The following CPSF1 variants were observed in gnomAD, a reference collection of about 807,000 sequenced individuals.
CPSF1 encodes cleavage and polyadenylation specificity factor subunit 1.
CPSF1 carries 106 observed loss-of-function variants against 175.8 expected under a neutral mutation model. The observed-to-expected ratio is 0.60, with a 90% CI of 0.52 to 0.71. The LOEUF (loss-of-function observed/expected upper bound fraction) is 0.71, where lower values mean the gene tolerates loss of function less well. Among genes scored for constraint, CPSF1 ranks in the 30% least tolerant of loss-of-function variants. CPSF1 has a pLI of 0.00. For synonymous variants in CPSF1, 1,024 were observed against 858.3 expected (o/e 1.19, Z -3.37); for missense variants, 1,734 against 2,022.9 (o/e 0.86, Z 2.74).
intron 9 of CPSF1, 31 bp downstream of exon 9, chr8:144,400,135 G>GGGGGGGGCCCCCCCC: frequency 1.1e-6 from 1 of 896,012 alleles, no homozygotes; most frequent in Non-Finnish European, 1.6e-6. Context: ...CCGTCCCCGG[G>GGGGGGGGCCCCCCCC]CCCCCCCCGC....
chr8:144,394,162 T>C lies in CPSF1; in HGVS notation c.3812-2A>G. ...TGAGGTTGCGGTCGCGGTCAGACAC[T>C]GGGGAGCAGAGGCCCAGGGTCAGCC... On this transcript the variant is annotated splice_acceptor_variant, in intron 33 of 37. Transcript: ENST00000616140. LOFTEE classifies it high-confidence loss of function. 1 of 1,612,700 alleles carries C rather than the reference T, an allele frequency of 6.2e-7. No individual in the cohort carries two copies. Among genetic ancestry groups the C allele is most frequent in the Non-Finnish European group, 8.5e-7 (1 of 1,179,914 alleles).
chr8:144,399,383 G>C lies in CPSF1; in HGVS notation c.1295-10C>G, dbSNP rs2116862079. The C allele has an allele frequency of 4.3e-6, 7 of 1,612,856 alleles. No individual in the cohort carries two copies. Among genetic ancestry groups the C allele is most frequent in the East Asian group, 2.2e-5 (1 of 44,882 alleles). On this transcript the variant is annotated splice_polypyrimidine_tract_variant and intron_variant, in intron 13 of 37. Coordinates refer to ENST00000616140, the MANE Select transcript of CPSF1 (RefSeq NM_013291.3). This position sits in a 1 kb window ranked among gnomAD's most constrained non-coding sequence, Gnocchi z 6.4. ...ACCGACTTACCCGCAGCTGCACACAGAGAGCCCACTTGAGCGCAGCCCTGG... is the reference window on the plus strand; with the variant it reads ...ACCGACTTACCCGCAGCTGCACACACAGAGCCCACTTGAGCGCAGCCCTGG...
chr8:144,393,361 A>G lies in CPSF1; in HGVS notation c.4289T>C (p.Leu1430Pro). 8.3e-7 allele frequency: 1 copy of G among 1,202,068 alleles called. No individual in the cohort carries two copies. Among genetic ancestry groups the G allele is most frequent in the East Asian group, 4.3e-5 (1 of 23,236 alleles). 74.5% of individuals were successfully genotyped at this position (1,202,068 alleles called of 1,614,324 possible). Residue 1430 changes from leucine (L) to proline (P), a missense_variant, in exon 38 of 38, where the codon CTG becomes CCG. By Grantham distance (98) the Leu-to-Pro change is moderately conservative (BLOSUM62 -3). Coordinates refer to ENST00000616140, the MANE Select transcript of CPSF1 (RefSeq NM_013291.3). ...KKIGTTPDII[L>P]DDLLETDRVT... ...GCGGTCCGTCTCCAGCAAGTCGTCC[A>G]GGATCTGCAGGGGATGGAAGGGTGG...
chr8:144,400,192 G>T lies in CPSF1; in HGVS notation c.911C>A (p.Thr304Asn). The change falls in exon 9 of 38, where the codon ACC (threonine) becomes AAC (asparagine). Residue 304 changes from threonine (T) to asparagine (N), a missense_variant. Physicochemically the swap from Thr to Asn is moderately conservative, Grantham distance 65 (BLOSUM62 0). Transcript: ENST00000616140. ...AAGCGGGAAAGCCGTGGTTCCTGTG[G>T]TGAGGCTGTTGAGAGCCACGCCATA... The part of the protein sequence containing the change: ...PPYGVALNSL[T>N]TGTTAFPLRT... 6.3e-7 allele frequency: 1 copy of T among 1,575,730 alleles called. No homozygotes were observed. The highest frequency in any genetic ancestry group is 8.6e-7 in the Non-Finnish European group (1 of 1,164,070).
chr8:144,400,346 A>G lies in CPSF1; in HGVS notation c.826+8T>C. The G allele has an allele frequency of 6.2e-7, 1 of 1,613,832 alleles. No homozygotes were observed. Among genetic ancestry groups the G allele is most frequent in the Admixed American group, 1.7e-5 (1 of 60,004 alleles). ...ACACACTCCCCTATCCACTCCCAGG[A>G]CACACACCTATGGGCTTGGGCACAG... On this transcript the variant is annotated splice_region_variant and intron_variant, in intron 8 of 37. Transcript: ENST00000616140.
chr8:144,393,610 G>A lies in CPSF1; in HGVS notation c.4146-20C>T. 6.3e-7 allele frequency: 1 copy of A among 1,598,658 alleles called. No individual in the cohort carries two copies. The highest frequency in any genetic ancestry group is 2.3e-5 in the East Asian group (1 of 44,380). On this transcript the variant is annotated intron_variant, in intron 36 of 37. Transcript: ENST00000616140. ...AGCATCCTGGGGCGTACAGGCACAGGTGTCAGGGCAGGCTGGGGTGGAGGG... is the reference window on the plus strand; with the variant it reads ...AGCATCCTGGGGCGTACAGGCACAGATGTCAGGGCAGGCTGGGGTGGAGGG...
intron 30 of CPSF1, 30 bp downstream of exon 30, chr8:144,394,852 A>G (rs781783688): frequency 1.2e-6 from 2 of 1,611,996 alleles, no homozygotes; most frequent in Non-Finnish European, 1.7e-6. Flanking sequence ...AGGGGCTGCC[A>G]GTTCCCGCCC....
At chr8:144,402,828 A>T (rs1415285383) in intron 2 of CPSF1, among the ~76,000 whole-genome samples, 2 of 152,106 alleles carry the variant, frequency 1.3e-5, no homozygotes, top group African/African-American at 4.8e-5. Flanking sequence ...AGGCCACCCC[A>T]ACAGCCCACA....
In CPSF1 at chr8:144,400,686, T is replaced by C. The variant is rs1259589524; in HGVS notation, c.671A>G (p.Asn224Ser). The stretch of plus-strand genomic sequence containing the variant: ...GGGGGCTCACCCAGGCCAGGTCTGG[T>C]TGGGCTCAAACAGGATGAGGAGGGT... ...EPTLLILFEP[N>S]QTWPGRVAVR... Residue 224 changes from asparagine (N) to serine (S), a missense_variant, in exon 7 of 38, where the codon AAC (asparagine) becomes AGC (serine). This residue lies in a region of CPSF1 where 7 missense variants were observed against 35.5 expected (regional missense o/e 0.20). Coordinates refer to ENST00000616140, the MANE Select transcript of CPSF1 (RefSeq NM_013291.3). The C allele has an allele frequency of 6.2e-7, 1 of 1,608,614 alleles. No individual in the cohort carries two copies. The highest frequency in any genetic ancestry group is 1.1e-5 in the South Asian group (1 of 90,192).
At position 144,399,731 on chromosome 8, in the gene CPSF1, G is replaced by A; in HGVS notation, c.1120-21C>T. The A allele has an allele frequency of 6.2e-7, 1 of 1,605,464 alleles. No homozygotes were observed. The highest frequency in any genetic ancestry group is 2.2e-5 in the East Asian group (1 of 44,538). On this transcript the variant is annotated intron_variant, in intron 11 of 37. Coordinates refer to ENST00000616140, the MANE Select transcript of CPSF1 (RefSeq NM_013291.3). This position sits in a 1 kb window ranked among gnomAD's most constrained non-coding sequence, Gnocchi z 6.4. ...ACCATCTGAGGGAGGGCAGGTGTGT[G>A]ATGGCTGGGCCGGGTCTGGACCCAG... is the stretch of plus-strand genomic sequence containing the variant.
At chr8:144,402,726 G>A (rs1821289416) in intron 2 of CPSF1, among the ~76,000 whole-genome samples, 2 of 152,084 alleles carry the variant, frequency 1.3e-5, no homozygotes, top group Admixed American at 1.3e-4. Context: ...GGCTTCACCC[G>A]CAAATTCTAC....
rs2116885805 is a variant in CPSF1 at position 144,401,570 on chromosome 8, G to T, written c.173-7C>A. 6.2e-7 allele frequency: 1 copy of T among 1,613,358 alleles called. No individual in the cohort carries two copies. The highest frequency in any genetic ancestry group is 1.1e-5 in the South Asian group (1 of 90,968). ...TCCCGGTGGGCCTTCCCCTCTAGGG[G>T]AGACACCAGGGCTCAGGGTCAGGGC... is the stretch of plus-strand genomic sequence containing the variant. On this transcript the variant is annotated splice_polypyrimidine_tract_variant and splice_region_variant and intron_variant, in intron 3 of 37. Transcript: ENST00000616140.
At chr8:144,400,122 A>C (rs1554865978) in intron 9 of CPSF1, 37 bp from the exon 10 acceptor site, 7 of 1,443,372 alleles carry the variant, frequency 4.8e-6, no homozygotes, top group Admixed American at 4.1e-5. Flanking sequence ...AGGCAGGCCC[A>C]AGCCGTCCCC....
Position 144,400,959 on chromosome 8 carries a change from G to A in CPSF1, c.504C>T (p.Ser168=), listed in dbSNP as rs1554866675. 6.2e-7 allele frequency: 1 copy of A among 1,608,508 alleles called. No homozygotes were observed. The highest frequency in any genetic ancestry group is 8.5e-7 in the Non-Finnish European group (1 of 1,177,166). ...RLVVLPFRRE[S]LAEEHEGLVG... is the part of the protein sequence containing the mutation. ...CGAGCCCCTCGTGCTCCTCAGCCAG[G>A]CTCTCCCTGCGGAAGGGCAGGACCA... The change falls in exon 6 of 38, where the codon AGC becomes AGT. Residue 168 remains serine, a synonymous_variant. Coordinates refer to ENST00000616140, the MANE Select transcript of CPSF1 (RefSeq NM_013291.3).
chr8:144,398,510 G>C lies in CPSF1; in HGVS notation c.1752+15C>G. The C allele has an allele frequency of 6.2e-7, 1 of 1,613,656 alleles. No homozygotes were observed. Among genetic ancestry groups the C allele is most frequent in the Non-Finnish European group, 8.5e-7 (1 of 1,179,906 alleles). Reference sequence around the variant, plus strand: ...CCCCAGCCCCAGGTCCCAGGTCCCAGGCCCTGCCCCTCACCATGGTGGAGT... The same window carrying C: ...CCCCAGCCCCAGGTCCCAGGTCCCACGCCCTGCCCCTCACCATGGTGGAGT... On this transcript the variant is annotated intron_variant, in intron 18 of 37. Transcript: ENST00000616140.
In CPSF1 at chr8:144,395,444, C is replaced by T; in HGVS notation, c.3087G>A (p.Val1029=). The change falls in exon 27 of 38, where the codon GTG becomes GTA. Residue 1029 remains valine (V), a synonymous_variant. Transcript: ENST00000616140. Reference sequence around the variant, plus strand: ...GGGGGTGGGGGCAGACCTTAGACTCCACGTGGTAAGCCACATAGTGGGCCG... The same window carrying T: ...GGGGGTGGGGGCAGACCTTAGACTCTACGTGGTAAGCCACATAGTGGGCCG... ...RCTAHYVAYH[V]ESKVYAVATS... 1 of 1,613,042 alleles carries T rather than the reference C, an allele frequency of 6.2e-7. No homozygotes were observed. Among genetic ancestry groups the T allele is most frequent in the Non-Finnish European group, 8.5e-7 (1 of 1,179,962 alleles).
Position 144,398,520 on chromosome 8 carries a change from CT to C in CPSF1, c.1752+4del, listed in dbSNP as rs1306034384. On this transcript the variant is annotated splice_donor_region_variant and intron_variant, in intron 18 of 37. Coordinates refer to ENST00000616140, the MANE Select transcript of CPSF1 (RefSeq NM_013291.3). ...AGGTCCCAGGTCCCAGGCCCTGCCC[CT>C]CACCATGGTGGAGTCTTCCCGGCTC... 4 of 1,613,806 alleles carry C rather than the reference CT, an allele frequency of 2.5e-6. No homozygotes were observed. The highest frequency in any genetic ancestry group is 1.1e-5 in the South Asian group (1 of 91,080).
At chr8:144,402,348 C>T (rs1554867603) in intron 2 of CPSF1, among the ~76,000 whole-genome samples, 1 of 152,104 alleles carries the variant, frequency 6.6e-6, no homozygotes, top group Non-Finnish European at 1.5e-5. Context: ...CACTCTGTCA[C>T]CCAGGCTGAA....
chr8:144,408,067 C>G (rs2116910231), intron 2 of CPSF1, among the ~76,000 whole-genome samples: 13 of 152,214 alleles, frequency 8.5e-5, no homozygotes. Context: ...GGTAGGTGCC[C>G]AGGAGGGTTG....
Sources: allele counts gnomAD v4.1 joint callset (sites outside exome capture counted in the v4.1 genomes callset), GRCh38; gene constraint gnomAD v4.1.1; regional missense constraint gnomAD v4.1.1; non-coding constraint Gnocchi (gnomAD v3.1); transcripts MANE v1.5; gene names NCBI Gene and HGNC (gene_info 2026-07-23, HGNC 2026-07-21).